Variants in MCTP1 observed in about 807,000 individuals in gnomAD.
The protein encoded by MCTP1 is multiple C2 and transmembrane domain-containing protein 1.
MCTP1 carries 69 observed loss-of-function variants against 120.6 expected under a neutral mutation model. The observed-to-expected ratio is 0.57, with a 90% CI of 0.47 to 0.70. The LOEUF (loss-of-function observed/expected upper bound fraction) is 0.70, where lower values mean the gene tolerates loss of function less well. Ranked by LOEUF, MCTP1 falls within the 30% of genes least tolerant of loss-of-function variation. MCTP1 has a pLI of 0.00. For missense variants in MCTP1, 1,203 were observed against 1,248.8 expected (o/e 0.96, Z 0.55); for synonymous variants, 529 against 493.1 (o/e 1.07, Z -0.96).
At chr5:94,946,838 G>T (rs1037512098) in intron 3 of MCTP1, among the ~76,000 whole-genome samples, 6 of 152,026 alleles carry the variant, frequency 3.9e-5, no homozygotes, top group Admixed American at 6.6e-5. Context: ...ATCCATGTTC[G>T]GCATCCTTCT....
chr5:94,739,220 T>C (rs559250218), intron 19 of MCTP1: 3 of 152,350 alleles, frequency 2.0e-5, no homozygotes, highest in Non-Finnish European at 4.4e-5. Context: ...TCAAAATACA[T>C]CAATTCTAAG....
chr5:94,820,076 T>G (rs963175691), intron 17 of MCTP1, among the ~76,000 whole-genome samples: 1 of 152,230 alleles, frequency 6.6e-6, no homozygotes, highest in Non-Finnish European at 1.5e-5. Flanking sequence ...TGTACCTTGA[T>G]GACTTGTCAC....
intron 1 of MCTP1, among the ~76,000 whole-genome samples, chr5:95,258,588 G>T (rs1386452307): frequency 6.6e-6 from 1 of 152,064 alleles, no homozygotes; most frequent in Non-Finnish European, 1.5e-5. Flanking sequence ...AATCCATGTT[G>T]GTTCGTTAAT....
chr5:95,267,123 A>T (rs1480832419), intron 1 of MCTP1, among the ~76,000 whole-genome samples: 1 of 152,260 alleles, frequency 6.6e-6, no homozygotes, highest in Non-Finnish European at 1.5e-5. Flanking sequence ...AAATATGAAC[A>T]AATTAAATCC....
intron 1 of MCTP1, among the ~76,000 whole-genome samples, chr5:95,088,520 C>A (rs1755605388): frequency 1.3e-5 from 2 of 152,202 alleles, no homozygotes; most frequent in East Asian, 3.8e-4. Flanking sequence ...GCAGGTACTA[C>A]TCGGAGCAAT....
At chr5:95,099,465 C>T (rs1266715219) in intron 1 of MCTP1, among the ~76,000 whole-genome samples, 2 of 152,020 alleles carry the variant, frequency 1.3e-5, no homozygotes, top group Non-Finnish European at 2.9e-5. Flanking sequence ...GGGCGAAGGA[C>T]ATGAACAGAC....
intron 17 of MCTP1, among the ~76,000 whole-genome samples, chr5:94,837,097 G>A (rs563485366): frequency 5.5e-4 from 84 of 152,240 alleles, no homozygotes; most frequent in African/African-American, 1.9e-3. Context: ...ACACAGGGAG[G>A]CCCTGTGCAG....
At chr5:95,078,620 G>A (rs574767498) in intron 1 of MCTP1, among the ~76,000 whole-genome samples, 4 of 152,194 alleles carry the variant, frequency 2.6e-5, no homozygotes, top group East Asian at 1.9e-4. Flanking sequence ...TTAAAAAGAC[G>A]TATTTTCCTC....
intron 1 of MCTP1, among the ~76,000 whole-genome samples, chr5:95,259,153 G>A (rs981618664): frequency 1.3e-5 from 2 of 152,096 alleles, no homozygotes; most frequent in Non-Finnish European, 2.9e-5. Context: ...TGTTGACTAC[G>A]CGTCAAGTTG....
At chr5:94,995,620 C>T (rs1409162254) in intron 2 of MCTP1, among the ~76,000 whole-genome samples, 1 of 152,126 alleles carries the variant, frequency 6.6e-6, no homozygotes, top group Non-Finnish European at 1.5e-5. Context: ...AAAGAGTTAT[C>T]CCTAAACAAT....
intron 1 of MCTP1, among the ~76,000 whole-genome samples, chr5:95,106,319 A>G (rs189351460): frequency 6.6e-6 from 1 of 152,354 alleles, no homozygotes; most frequent in Non-Finnish European, 1.5e-5. Flanking sequence ...CTGTTCCAGA[A>G]AAGGCTAGCT....
At chr5:94,959,426 T>C (rs539612970) in intron 2 of MCTP1, among the ~76,000 whole-genome samples, 70 of 152,254 alleles carry the variant, frequency 4.6e-4, no homozygotes, top group Admixed American at 3.1e-3. Context: ...GCCAGGGCAA[T>C]TAGGCAAGAG....
chr5:95,065,280 T>C (rs1317499921), intron 1 of MCTP1, among the ~76,000 whole-genome samples: 3 of 151,868 alleles, frequency 2.0e-5, no homozygotes, highest in African/African-American at 7.3e-5. Flanking sequence ...AATAATTGAA[T>C]ATCAAAATTT....
rs530967413 is a variant in MCTP1 at position 95,220,065 on chromosome 5, G to C, written c.720+63791C>G. On this transcript the variant is annotated intron_variant, in intron 1 of 22. Coordinates refer to ENST00000515393, the MANE Select transcript of MCTP1 (RefSeq NM_024717.7). ...GTTCTTGAACTAACTTGCAAAGGTA[G>C]TATTAGTTGCTAATAGATGACATTT... Among the ~76,000 whole-genome samples, 110 of 152,308 alleles carry C rather than the reference G, an allele frequency of 7.2e-4. 1 individual carries two copies. The highest frequency in any genetic ancestry group is 2.6e-3 in the African/African-American group (107 of 41,560).
Position 95,284,947 on chromosome 5 carries a change from C to T in MCTP1, c.-372G>A, listed in dbSNP as rs1362405501. Among the ~76,000 whole-genome samples, 2 of 152,168 alleles carry T rather than the reference C, an allele frequency of 1.3e-5. No homozygotes were observed. Among genetic ancestry groups the T allele is most frequent in the Non-Finnish European group, 2.9e-5 (2 of 68,012 alleles). On this transcript the variant is annotated 5_prime_UTR_variant, in exon 1 of 23. Coordinates refer to ENST00000515393, the MANE Select transcript of MCTP1 (RefSeq NM_024717.7). The surrounding 1 kb of genome is among the most constrained non-coding windows in gnomAD (Gnocchi z 5.2). ...CGCCCTGGCTCCCTCTTCTCTCTGA[C>T]CGAGCTCGGGAAGCTGCACGCACCG...
At chr5:94,988,321 T>C (rs888950051) in intron 2 of MCTP1, among the ~76,000 whole-genome samples, 2 of 147,926 alleles carry the variant, frequency 1.4e-5, no homozygotes, top group African/African-American at 5.0e-5. Flanking sequence ...CTTTTTTTTT[T>C]CTGAGCTGAT....
At chr5:94,885,101 A>G (rs998059321) in intron 12 of MCTP1, among the ~76,000 whole-genome samples, 4 of 151,980 alleles carry the variant, frequency 2.6e-5, no homozygotes, top group South Asian at 2.1e-4. Context: ...CTCTCCCTCT[A>G]TTGTTTCCTG....
chr5:95,191,028 G>T (rs1749773137), intron 1 of MCTP1, among the ~76,000 whole-genome samples: 1 of 151,992 alleles, frequency 6.6e-6, no homozygotes, highest in South Asian at 2.1e-4. Context: ...GCTAGTTTAT[G>T]AATTCTCATG....
intron 3 of MCTP1, among the ~76,000 whole-genome samples, chr5:94,944,139 G>A (rs1392627465): frequency 6.6e-6 from 1 of 151,820 alleles, no homozygotes; most frequent in Admixed American, 6.6e-5. Context: ...TAAATACTTT[G>A]CATTACAAAA....
Sources: gnomAD v4.1 joint callset for allele counts (sites outside exome capture counted in the v4.1 genomes callset) on GRCh38, gnomAD v4.1.1 for gene constraint, Gnocchi (gnomAD v3.1) non-coding constraint, MANE v1.5 for transcripts, NCBI Gene and HGNC (gene_info 2026-07-23, HGNC 2026-07-21) for gene names.